HNF1B: variants seen among roughly 807,000 people sequenced by gnomAD.
HNF1B encodes the protein HNF1 homeobox B.
Under a neutral mutation model 61.7 loss-of-function variants are expected in HNF1B, and 8 were observed. The observed-to-expected ratio is 0.13, with a 90% CI of 0.08 to 0.23. The LOEUF (loss-of-function observed/expected upper bound fraction) is 0.23, where lower values mean the gene tolerates loss of function less well. Among genes scored for constraint, HNF1B ranks in the 10% least tolerant of loss-of-function variants. HNF1B has a pLI of 1.00. For missense variants in HNF1B, 562 were observed against 714.5 expected (o/e 0.79, Z 2.43); for synonymous variants, 314 against 287.7 (o/e 1.09, Z -0.93).
chr17:37,729,721 A>G (rs1239668605), intron 4 of HNF1B: 1 of 152,282 alleles, frequency 6.6e-6, no homozygotes, highest in East Asian at 1.9e-4. Flanking sequence ...GCTGTGGGAA[A>G]GTATGGAGTG....
At chr17:37,692,718 T>C (rs559648539) in intron 8 of HNF1B, among the ~76,000 whole-genome samples, 46 of 152,306 alleles carry the variant, frequency 3.0e-4, no homozygotes, top group African/African-American at 1.1e-3. Context: ...AACTATTTGC[T>C]TTTTTCCTGG....
intron 4 of HNF1B, 183 bp downstream of exon 4, chr17:37,731,412 G>T (rs1047353860): frequency 4.3e-6 from 3 of 699,512 alleles, no homozygotes; most frequent in Non-Finnish European, 7.8e-6. Flanking sequence ...TGAACCAGGA[G>T]TTGGAGGAAA....
rs1013237699 is a variant in HNF1B at position 37,716,443 on chromosome 17, C to T, written c.1046-5780G>A. The stretch of plus-strand genomic sequence containing the variant: ...CAAACTCCTGACCTCAAGTGATCCG[C>T]CCGCCTCAGCCTCCCAAAGTGCTGG... On this transcript the variant is annotated intron_variant, in intron 4 of 8. Transcript: ENST00000617811. 5.9e-5 allele frequency among the ~76,000 whole-genome samples: 9 copies of T among 152,294 alleles called. 1 individual carries two copies. The highest frequency in any genetic ancestry group is 6.5e-5 in the Admixed American group (1 of 15,300).
rs532966018 is a variant in HNF1B, at chr17:37,716,773, G to A, written c.1046-6110C>T. 2.2e-4 allele frequency among the ~76,000 whole-genome samples: 34 copies of A among 151,980 alleles called. No homozygotes were observed. The South Asian group carries it at 6.2e-3, about 28-fold the overall frequency. Reference sequence around the variant, plus strand: ...CTGGCGATTTAATTCAGCTCTAAGAGCTTCAAAAAATCATGGAATTCCATG... The same window carrying A: ...CTGGCGATTTAATTCAGCTCTAAGAACTTCAAAAAATCATGGAATTCCATG... On this transcript the variant is annotated intron_variant, in intron 4 of 8. Coordinates refer to ENST00000617811, the MANE Select transcript of HNF1B (RefSeq NM_000458.4).
rs745586833 is a variant in HNF1B at position 37,687,256 on chromosome 17, G to T, written c.*116C>A. ...GCAGGACGTCCGTCAGGTAAGCAGGGACCTCTCGCAGGTGCTGGTCAGGTC... is the reference window on the plus strand; with the variant it reads ...GCAGGACGTCCGTCAGGTAAGCAGGTACCTCTCGCAGGTGCTGGTCAGGTC... On this transcript the variant is annotated 3_prime_UTR_variant, in exon 9 of 9. Coordinates refer to ENST00000617811, the MANE Select transcript of HNF1B (RefSeq NM_000458.4). The T allele has an allele frequency of 9.7e-6, 15 of 1,553,232 alleles. No individual in the cohort carries two copies. The highest frequency in any genetic ancestry group is 1.2e-5 in the Non-Finnish European group (14 of 1,127,460).
chr17:37,723,122 G>C (rs561638423), intron 4 of HNF1B, among the ~76,000 whole-genome samples: 2 of 151,854 alleles, frequency 1.3e-5, no homozygotes, highest in South Asian at 4.2e-4. Flanking sequence ...GGCAGATCAC[G>C]AGGTCAGGAG....
chr17:37,723,062 G>A (rs767148733), intron 4 of HNF1B, among the ~76,000 whole-genome samples: 2 of 152,142 alleles, frequency 1.3e-5, no homozygotes, highest in African/African-American at 4.8e-5. Flanking sequence ...AAAAATGGCC[G>A]GGCGCGGTGG....
chr17:37,693,329 T>C (rs776760096), intron 8 of HNF1B, among the ~76,000 whole-genome samples: 4 of 151,984 alleles, frequency 2.6e-5, no homozygotes, highest in East Asian at 1.9e-4. Flanking sequence ...GTTAGGCACA[T>C]TGAATATTTT....
At chr17:37,735,772 T>C (rs2033815345) in intron 2 of HNF1B, among the ~76,000 whole-genome samples, 3 of 152,170 alleles carry the variant, frequency 2.0e-5, no homozygotes, top group Admixed American at 1.3e-4. Context: ...ACTTTTTCTT[T>C]TTTTCAAACA....
chr17:37,709,425 T>C (rs1223834013), intron 5 of HNF1B, among the ~76,000 whole-genome samples: 2 of 135,864 alleles, frequency 1.5e-5, no homozygotes, highest in African/African-American at 3.0e-5. Context: ...AATTTTTGTA[T>C]TTTTTTTTTA....
intron 4 of HNF1B, among the ~76,000 whole-genome samples, chr17:37,720,487 G>T (rs979903263): frequency 6.6e-6 from 1 of 151,674 alleles, no homozygotes; most frequent in Non-Finnish European, 1.5e-5. Flanking sequence ...CTAGAGAAGA[G>T]AAAATATGCC....
chr17:37,687,512 G>C, intron 8 of HNF1B, 120 bp from the exon 9 acceptor site: 1 of 796,698 alleles, frequency 1.3e-6, no homozygotes, highest in South Asian at 1.4e-5. Flanking sequence ...AGCAGGTGGA[G>C]GGCTGGGGGC....
At chr17:37,710,472 T>C (rs903685708) in intron 5 of HNF1B, 31 bp downstream of exon 5, 11 of 1,613,536 alleles carry the variant, frequency 6.8e-6, no homozygotes, top group African/African-American at 1.3e-5. Flanking sequence ...TCTTATCAGC[T>C]CCAGAGCGAC....
chr17:37,701,079 T>G lies in HNF1B; in HGVS notation c.1438A>C (p.Ser480Arg), dbSNP rs1395652440. The G allele has an allele frequency of 1.3e-6, 2 of 1,554,026 alleles. No individual in the cohort carries two copies. The highest frequency in any genetic ancestry group is 2.4e-5 in the South Asian group (2 of 84,272). ...QPVQFSQQLH[S>R]PHQQPLMQQS... Reference sequence around the variant, plus strand: ...TGCATGAGGGGCTGCTGGTGAGGGCTGTGCAGCTGCTGGGAGAACTGGACG... The same window carrying G: ...TGCATGAGGGGCTGCTGGTGAGGGCGGTGCAGCTGCTGGGAGAACTGGACG... The change falls in exon 7 of 9, where the codon AGC becomes CGC. Residue 480 changes from serine to arginine, a missense_variant. Around this residue, in one of 6 missense-constraint regions of HNF1B, gnomAD observed 211 missense variants for 200.7 expected, o/e 1.05. Coordinates refer to ENST00000617811, the MANE Select transcript of HNF1B (RefSeq NM_000458.4).
rs1345131700 is a variant in HNF1B at position 37,701,011 on chromosome 17, T to C, written c.1506A>G (p.Ala502=). The change falls in exon 7 of 9, where the codon GCA becomes GCG. Residue 502 remains alanine, a synonymous_variant. Transcript: ENST00000617811. ...GSHMAQQPFM[A]AVTQLQNSHM... is the part of the protein sequence containing the mutation. ...GTGAGTTCTGCAGCTGAGTCACAGC[T>C]GCCATGAAGGGCTGCTGGGCCATGT... 1.9e-6 allele frequency: 3 copies of C among 1,558,128 alleles called. No individual in the cohort carries two copies. The highest frequency in any genetic ancestry group is 3.8e-5 in the Admixed American group (2 of 52,238).
chr17:37,732,076 C>G (rs1316674900), intron 3 of HNF1B, among the ~76,000 whole-genome samples: 1 of 152,174 alleles, frequency 6.6e-6, no homozygotes, highest in African/African-American at 2.4e-5. Flanking sequence ...GAGTCAGGGG[C>G]TTAGGCTCTG....
At chr17:37,724,575 T>C (rs1455366257) in intron 4 of HNF1B, among the ~76,000 whole-genome samples, 2 of 152,132 alleles carry the variant, frequency 1.3e-5, no homozygotes, top group African/African-American at 4.8e-5. Flanking sequence ...AAAAAATCAA[T>C]TAAAGACTAT....
chr17:37,697,659 G>A (rs1293400973), intron 8 of HNF1B, among the ~76,000 whole-genome samples: 1 of 152,192 alleles, frequency 6.6e-6, no homozygotes, highest in African/African-American at 2.4e-5. Context: ...CCCTGATTGA[G>A]ATTTGTGAGC....
At chr17:37,708,968 G>A (rs903543007) in intron 5 of HNF1B, among the ~76,000 whole-genome samples, 4 of 152,194 alleles carry the variant, frequency 2.6e-5, no homozygotes, top group East Asian at 3.9e-4. Context: ...CAGCACACAC[G>A]TCAAGATCTA....
Sources: allele counts gnomAD v4.1 joint callset (sites outside exome capture counted in the v4.1 genomes callset), GRCh38; gene constraint gnomAD v4.1.1; regional missense constraint gnomAD v4.1.1; transcripts MANE v1.5; gene names NCBI Gene and HGNC (gene_info 2026-07-23, HGNC 2026-07-21).